NBEA: variants seen among roughly 807,000 people sequenced by gnomAD.
NBEA encodes the protein neurobeachin.
In NBEA, 44 loss-of-function variants were observed where a neutral mutation model predicts 343.4. That is an observed-to-expected ratio of 0.13 (90% CI 0.10 to 0.16). The LOEUF is 0.16. NBEA is among the 10% of genes least tolerant of loss of function. NBEA has a pLI of 1.00. For synonymous variants in NBEA, 1,175 were observed against 1,238.7 expected (o/e 0.95, Z 1.08); for missense variants, 2,555 against 3,631.3 (o/e 0.70, Z 7.62).
At chr13:35,091,905 T>A (rs2065099884) in intron 10 of NBEA, among the ~76,000 whole-genome samples, 1 of 151,966 alleles carries the variant, frequency 6.6e-6, no homozygotes, top group Non-Finnish European at 1.5e-5. Flanking sequence ...CTGAATATGT[T>A]CATTAATGTA....
intron 47 of NBEA, among the ~76,000 whole-genome samples, chr13:35,595,624 C>T (rs533541639): frequency 1.3e-5 from 2 of 152,204 alleles, no homozygotes; most frequent in East Asian, 3.9e-4. Context: ...CATCTTTGCA[C>T]AGACATCCTG....
chr13:35,182,459 G>A lies in NBEA; in HGVS notation c.4762G>A (p.Glu1588Lys), dbSNP rs1156571507. ...TCGTGACATATTAGAACCCCAGAGAGAGACTACAAGAACTGGAAGCCAACC... is the reference window on the plus strand; with the variant it reads ...TCGTGACATATTAGAACCCCAGAGAAAGACTACAAGAACTGGAAGCCAACC... ...KYRDILEPQRETTRTGSQPGR... is the reference protein window; with the variant it reads ...KYRDILEPQRKTTRTGSQPGR... Residue 1588 changes from glutamate (E) to lysine (K), a missense_variant, in exon 29 of 59, where the codon GAG becomes AAG. Transcript: ENST00000379939. The A allele has an allele frequency of 6.2e-7, 1 of 1,610,600 alleles. No homozygotes were observed. Among genetic ancestry groups the A allele is most frequent in the East Asian group, 2.2e-5 (1 of 44,600 alleles).
intron 36 of NBEA, among the ~76,000 whole-genome samples, chr13:35,315,397 C>G (rs1384979134): frequency 6.6e-6 from 1 of 152,020 alleles, no homozygotes; most frequent in Admixed American, 6.6e-5. Context: ...AACAAAGGAT[C>G]TTTATAATTA....
At chr13:35,284,059 T>C (rs781726074) in intron 34 of NBEA, among the ~76,000 whole-genome samples, 5 of 151,510 alleles carry the variant, frequency 3.3e-5, no homozygotes, top group Non-Finnish European at 7.4e-5. Context: ...GAGTAAATAG[T>C]TTCCTTGGAA....
At chr13:34,970,743 C>T (rs1839594955) in intron 1 of NBEA, among the ~76,000 whole-genome samples, 2 of 151,856 alleles carry the variant, frequency 1.3e-5, no homozygotes, top group African/African-American at 4.8e-5. Context: ...TGTGTCTGTT[C>T]TTGTGCCAAC....
In NBEA at chr13:35,349,099, T is replaced by A; in HGVS notation, c.5904-9T>A. The A allele has an allele frequency of 1.3e-6, 2 of 1,489,976 alleles. No homozygotes were observed. Among genetic ancestry groups the A allele is most frequent in the Non-Finnish European group, 1.8e-6 (2 of 1,102,168 alleles). 92.3% of individuals were successfully genotyped at this position (1,489,976 alleles called of 1,614,324 possible). A position where few individuals can be genotyped will look rare whatever the true frequency, so the allele number is the denominator to read the frequency against. ...AGAATAATATTTCTAAAGGTATTTT[T>A]CTTTTTAGATTACTGTGCCATGCTA... On this transcript the variant is annotated splice_polypyrimidine_tract_variant and intron_variant, in intron 36 of 58. Coordinates refer to ENST00000379939, the MANE Select transcript of NBEA (RefSeq NM_001385012.1).
intron 29 of NBEA, 26 bp downstream of exon 29, chr13:35,182,554 A>G: frequency 6.3e-7 from 1 of 1,576,374 alleles, no homozygotes; most frequent in East Asian, 2.3e-5. Flanking sequence ...TAATTATTTG[A>G]ATTTTCACCA....
intron 28 of NBEA, among the ~76,000 whole-genome samples, chr13:35,181,741 A>G (rs767173230): frequency 4.0e-5 from 6 of 151,808 alleles, no homozygotes; most frequent in Non-Finnish European, 7.4e-5. Flanking sequence ...GCCTAAGCCA[A>G]TGTCTAGAAG....
In NBEA at chr13:35,208,787, A is replaced by G. The variant is rs752364553; in HGVS notation, c.5454A>G (p.Pro1818=). 1 of 1,611,134 alleles carries G rather than the reference A, an allele frequency of 6.2e-7. No homozygotes were observed. The highest frequency in any genetic ancestry group is 8.5e-7 in the Non-Finnish European group (1 of 1,178,294). The change falls in exon 32 of 59, where the codon CCA becomes CCG. Residue 1818 remains proline (P), a synonymous_variant. Transcript: ENST00000379939. ...VGATTAGSGL[P]TGSTSNIFAA... is the part of the protein sequence containing the mutation. ...CCACTACTGCTGGAAGTGGGCTGCC[A>G]ACAGGCAGTACCTCTAATATATTTG...
At chr13:35,539,139 A>G (rs1242745137) in intron 41 of NBEA, among the ~76,000 whole-genome samples, 1 of 152,248 alleles carries the variant, frequency 6.6e-6, no homozygotes, top group Non-Finnish European at 1.5e-5. Flanking sequence ...TGAAGAATGC[A>G]GAGACATACA....
intron 35 of NBEA, among the ~76,000 whole-genome samples, chr13:35,301,947 G>A (rs543532211): frequency 6.6e-6 from 1 of 152,250 alleles, no homozygotes; most frequent in African/African-American, 2.4e-5. Context: ...GAAAATAGCT[G>A]ATACAAACTT....
chr13:35,646,837 G>A (rs546566951), intron 51 of NBEA, among the ~76,000 whole-genome samples: 24 of 152,274 alleles, frequency 1.6e-4, no homozygotes, highest in Non-Finnish European at 2.4e-4. Flanking sequence ...CCCCAGAGCC[G>A]GACAGGGCAA....
In NBEA at chr13:34,942,996, G is replaced by T; in HGVS notation, c.176G>T (p.Gly59Val). The change falls in exon 1 of 59, where the codon GGG (glycine) becomes GTG (valine). Residue 59 changes from glycine to valine, a missense_variant. Coordinates refer to ENST00000379939, the MANE Select transcript of NBEA (RefSeq NM_001385012.1). ...SGSGSVMLPA[G>V]MINPSVPIRN... ...TCCGGCTCGGTGATGCTCCCCGCGG[G>T]GATGATTAACCCTTCGGTGCCGATC... is the stretch of plus-strand genomic sequence containing the variant. 6.2e-7 allele frequency: 1 copy of T among 1,611,176 alleles called. No individual in the cohort carries two copies. Among genetic ancestry groups the T allele is most frequent in the Non-Finnish European group, 8.5e-7 (1 of 1,178,796 alleles).
intron 33 of NBEA, among the ~76,000 whole-genome samples, chr13:35,215,343 T>C (rs1330552684): frequency 1.3e-5 from 2 of 151,718 alleles, no homozygotes; most frequent in Non-Finnish European, 3.0e-5. Flanking sequence ...ACTCTTGTAC[T>C]TATTTTTATG....
chr13:34,983,576 A>C (rs1401490698), intron 1 of NBEA, among the ~76,000 whole-genome samples: 2 of 152,196 alleles, frequency 1.3e-5, no homozygotes, highest in South Asian at 4.1e-4. Flanking sequence ...TTCTAATTCT[A>C]GATCCTTGAG....
At chr13:35,372,020 GTC>G (rs1334712925) in intron 38 of NBEA, among the ~76,000 whole-genome samples, 2 of 152,174 alleles carry the variant, frequency 1.3e-5, no homozygotes, top group East Asian at 3.9e-4. Flanking sequence ...AAGTCTGCCT[GTC>G]TTTGGACCCC....
intron 41 of NBEA, among the ~76,000 whole-genome samples, chr13:35,496,648 A>AG: frequency 6.7e-6 from 1 of 149,776 alleles, no homozygotes; most frequent in Non-Finnish European, 1.5e-5. Flanking sequence ...AAAAAAAAAA[A>AG]AAGAATAGAA....
intron 48 of NBEA, among the ~76,000 whole-genome samples, chr13:35,624,069 T>G (rs1051421936): frequency 4.0e-5 from 6 of 151,850 alleles, no homozygotes; most frequent in African/African-American, 1.5e-4. Flanking sequence ...TGTGTGTGTG[T>G]GTGTGTGTGT....
At chr13:35,194,361 C>T (rs1461846347) in intron 30 of NBEA, among the ~76,000 whole-genome samples, 1 of 152,034 alleles carries the variant, frequency 6.6e-6, no homozygotes, top group African/African-American at 2.4e-5. Context: ...GCCTATTTTC[C>T]TGTTGGGCAG....
Sources: allele counts gnomAD v4.1 joint callset (sites outside exome capture counted in the v4.1 genomes callset), GRCh38; gene constraint gnomAD v4.1.1; transcripts MANE v1.5; gene names NCBI Gene and HGNC (gene_info 2026-07-23, HGNC 2026-07-21).